Variants in CDH8 observed in about 807,000 individuals in gnomAD.
CDH8 encodes cadherin 8.
In CDH8, 17 loss-of-function variants were observed where a neutral mutation model predicts 68.1. That is an observed-to-expected ratio of 0.25 (90% confidence interval 0.17 to 0.37). The LOEUF (loss-of-function observed/expected upper bound fraction) is 0.37, where lower values mean the gene tolerates loss of function less well. CDH8 is among the 10% of genes least tolerant of loss of function. The pLI is 1.00. For synonymous variants in CDH8, 372 were observed against 365.1 expected (o/e 1.02, Z -0.21); for missense variants, 763 against 999.3 (o/e 0.76, Z 3.19).
intron 10 of CDH8, among the ~76,000 whole-genome samples, chr16:61,697,907 C>T (rs747928): frequency 0.13 from 20,161 of 152,210 alleles, 1,411 homozygotes; most frequent in African/African-American, 0.17. Flanking sequence ...AAAAAACAGG[C>T]TCATGCAACG....
chr16:61,776,360 T>C (rs1412488278), intron 8 of CDH8, among the ~76,000 whole-genome samples: 1 of 152,148 alleles, frequency 6.6e-6, no homozygotes, highest in Non-Finnish European at 1.5e-5. Flanking sequence ...CCTTAACTAA[T>C]AACCTCTACT....
intron 4 of CDH8, among the ~76,000 whole-genome samples, chr16:61,845,126 G>A (rs1422094511): frequency 6.6e-6 from 1 of 152,082 alleles, no homozygotes; most frequent in Non-Finnish European, 1.5e-5. Context: ...CAGCTCTACT[G>A]TCCCCTGACA....
At chr16:61,913,596 A>G (rs575757653) in intron 2 of CDH8, among the ~76,000 whole-genome samples, 1 of 152,142 alleles carries the variant, frequency 6.6e-6, no homozygotes, top group Admixed American at 6.5e-5. Context: ...CACCACTGAA[A>G]AGTGTGTGGT....
At chr16:61,717,836 C>T (rs1256029671) in intron 9 of CDH8, among the ~76,000 whole-genome samples, 1 of 151,356 alleles carries the variant, frequency 6.6e-6, no homozygotes, top group South Asian at 2.1e-4. Context: ...AATAAATAAG[C>T]GATGGCAGGT....
chr16:61,865,419 C>T (rs1050553472), intron 3 of CDH8, among the ~76,000 whole-genome samples: 5 of 152,178 alleles, frequency 3.3e-5, no homozygotes, highest in Non-Finnish European at 5.9e-5. Context: ...CTTCTATTCA[C>T]CCATGCATCA....
At chr16:61,815,174 C>CA (rs763564790) in intron 7 of CDH8, among the ~76,000 whole-genome samples, 23 of 152,152 alleles carry the variant, frequency 1.5e-4, no homozygotes, top group Admixed American at 1.3e-4. Flanking sequence ...CTGGTAAAAA[C>CA]AGTCTCAAAT....
Position 61,769,236 on chromosome 16 carries a change from T to A in CDH8, c.1414+20110A>T, listed in dbSNP as rs1960715938. ...ATGTCTCAAAGACTCTAAAGATCCC[T>A]GGACCACTCTTTGAATATTATGGTC... On this transcript the variant is annotated intron_variant, in intron 8 of 11. Coordinates refer to ENST00000577390, the MANE Select transcript of CDH8 (RefSeq NM_001796.5). 2.0e-5 allele frequency among the ~76,000 whole-genome samples: 3 copies of A among 151,876 alleles called. No homozygotes were observed. The South Asian group carries it at 6.2e-4, about 31-fold the overall frequency.
At chr16:61,783,522 T>C (rs1484999014) in intron 8 of CDH8, among the ~76,000 whole-genome samples, 16 of 151,772 alleles carry the variant, frequency 1.1e-4, no homozygotes, top group Admixed American at 9.9e-4. Context: ...TGCAGGATAT[T>C]ATCCAGGAGA....
chr16:61,666,821 T>A (rs1221959776), intron 10 of CDH8, among the ~76,000 whole-genome samples: 1 of 151,934 alleles, frequency 6.6e-6, no homozygotes, highest in Non-Finnish European at 1.5e-5. Flanking sequence ...TGTTTATTTA[T>A]AAAAACCCAG....
chr16:61,817,368 T>G, intron 7 of CDH8, 111 bp downstream of exon 7: 1 of 1,009,962 alleles, frequency 9.9e-7, no homozygotes, highest in Admixed American at 1.9e-5. Flanking sequence ...CATTATTTGG[T>G]CATGTGAGCA....
intron 4 of CDH8, among the ~76,000 whole-genome samples, chr16:61,855,495 T>C (rs560367291): frequency 6.6e-6 from 1 of 152,150 alleles, no homozygotes. Flanking sequence ...GATTAGCCTT[T>C]GTGATTTTTT....
chr16:61,982,368 C>T (rs372604960), intron 2 of CDH8, among the ~76,000 whole-genome samples: 7 of 152,088 alleles, frequency 4.6e-5, no homozygotes, highest in Non-Finnish European at 8.8e-5. Flanking sequence ...TACAGGCGCC[C>T]GCCACCTCGC....
Position 61,738,768 on chromosome 16 carries a change from AC to A in CDH8, c.1415-11554del, listed in dbSNP as rs146632044. Among the ~76,000 whole-genome samples the A allele has an allele frequency of 2.4e-4, 37 of 152,192 alleles. 2 individuals are homozygous for A. In the East Asian group the frequency reaches 7.0e-3, roughly 29 times the overall value. On this transcript the variant is annotated intron_variant, in intron 8 of 11. Transcript: ENST00000577390. ...AAATTTGTTGTCCTCTGTTGTCTAT[AC>A]CGTGCATACAAATGTCATCTTTTTT...
At chr16:61,986,994 T>G (rs1965640684) in intron 2 of CDH8, among the ~76,000 whole-genome samples, 1 of 152,194 alleles carries the variant, frequency 6.6e-6, no homozygotes, top group Non-Finnish European at 1.5e-5. Context: ...AATCACGACT[T>G]AAGATTAAGC....
chr16:61,760,666 T>C (rs569056408), intron 8 of CDH8, among the ~76,000 whole-genome samples: 5 of 152,246 alleles, frequency 3.3e-5, no homozygotes, highest in African/African-American at 9.6e-5. Flanking sequence ...TAGAAATATT[T>C]AAGTAGAATC....
intron 4 of CDH8, among the ~76,000 whole-genome samples, chr16:61,839,005 T>C (rs549494531): frequency 1.1e-4 from 17 of 152,228 alleles, no homozygotes; most frequent in African/African-American, 4.1e-4. Context: ...AATAAGTGAC[T>C]TACTCCAAGT....
At position 61,821,707 on chromosome 16, in the gene CDH8, C is replaced by T. The variant is rs545924188; in HGVS notation, c.836-594G>A. On this transcript the variant is annotated intron_variant, in intron 5 of 11. Transcript: ENST00000577390. ...ATTGCTCTAAAGACAAAAATCCTGC[C>T]TTCAACACTTCCTAGGCAAAATACA... 2.0e-5 allele frequency among the ~76,000 whole-genome samples: 3 copies of T among 152,148 alleles called. No homozygotes were observed. In the East Asian group the frequency reaches 5.8e-4, roughly 30 times the overall value.
intron 8 of CDH8, among the ~76,000 whole-genome samples, chr16:61,760,951 G>A (rs573661529): frequency 6.6e-6 from 1 of 152,104 alleles, no homozygotes; most frequent in East Asian, 1.9e-4. Context: ...TGAATTTGAA[G>A]TAATTGTGTT....
chr16:61,987,754 A>G (rs1965653063), intron 2 of CDH8, among the ~76,000 whole-genome samples: 1 of 151,922 alleles, frequency 6.6e-6, no homozygotes, highest in African/African-American at 2.4e-5. Flanking sequence ...GGTAAAAAAA[A>G]AAACCCAGTC....
Sources: allele counts gnomAD v4.1 joint callset (sites outside exome capture counted in the v4.1 genomes callset), GRCh38; gene constraint gnomAD v4.1.1; transcripts MANE v1.5; gene names NCBI Gene and HGNC (gene_info 2026-07-23, HGNC 2026-07-21).